DAB1: variants seen among roughly 807,000 people sequenced by gnomAD.
The protein encoded by DAB1 is disabled homolog 1.
Under a neutral mutation model 64.6 loss-of-function variants are expected in DAB1, and 15 were observed. The observed-to-expected ratio is 0.23, with a 90% CI of 0.16 to 0.36. The LOEUF is 0.36. Ranked by LOEUF, DAB1 falls within the 10% of genes least tolerant of loss-of-function variation. The pLI, the probability that DAB1 is intolerant of heterozygous loss-of-function variation, is 1.00. For missense variants in DAB1, 596 were observed against 706.7 expected (o/e 0.84, Z 1.78); for synonymous variants, 235 against 251.9 (o/e 0.93, Z 0.64).
intron 6 of DAB1, among the ~76,000 whole-genome samples, chr1:57,791,039 T>A (rs1429690719): frequency 6.6e-6 from 1 of 152,230 alleles, no homozygotes; most frequent in East Asian, 1.9e-4. Context: ...TCATTTGCAC[T>A]TGCCCACATT....
At chr1:57,431,285 G>T (rs1685506399) in intron 7 of DAB1, among the ~76,000 whole-genome samples, 1 of 151,618 alleles carries the variant, frequency 6.6e-6, no homozygotes, top group African/African-American at 2.4e-5. Context: ...GCCACAATCA[G>T]AATTTTGAAA....
rs7530332 is a variant in DAB1 at position 57,805,666 on chromosome 1, A to G, written n.551+78333T>C. On this transcript the variant is annotated intron_variant and non_coding_transcript_variant, in intron 6 of 20. Coordinates refer to the DAB1 transcript ENST00000485760. ...GACTTGCACATCTAGGTGTCCTGACATCACCATTTGGATATCCAATAGGCA... is the reference window on the plus strand; with the variant it reads ...GACTTGCACATCTAGGTGTCCTGACGTCACCATTTGGATATCCAATAGGCA... Among the ~76,000 whole-genome samples the G allele has an allele frequency of 9.3e-3, 1,417 of 152,268 alleles. 23 individuals are homozygous for G. The highest frequency in any genetic ancestry group is 0.033 in the African/African-American group (1,365 of 41,554).
At chr1:58,202,897 T>C (rs1658076536) in intron 4 of DAB1, among the ~76,000 whole-genome samples, 1 of 152,180 alleles carries the variant, frequency 6.6e-6, no homozygotes, top group Non-Finnish European at 1.5e-5. Flanking sequence ...CCATTTTCAT[T>C]TACAATCACT....
intron 3 of DAB1, among the ~76,000 whole-genome samples, chr1:58,412,054 G>A (rs1218207409): frequency 6.6e-6 from 1 of 152,142 alleles, no homozygotes; most frequent in African/African-American, 2.4e-5. Flanking sequence ...TCTGACCATA[G>A]TAATGGGTTC....
At chr1:57,002,112 T>C (rs1227566478) in intron 14 of DAB1, among the ~76,000 whole-genome samples, 1 of 152,206 alleles carries the variant, frequency 6.6e-6, no homozygotes, top group Non-Finnish European at 1.5e-5. Context: ...TTCTGACATA[T>C]TAATATCTTT....
chr1:58,281,570 G>GT lies in DAB1; in HGVS notation n.309+61781dup, dbSNP rs558086664. Among the ~76,000 whole-genome samples, 210 of 150,516 alleles carry GT rather than the reference G, an allele frequency of 1.4e-3. 1 individual carries two copies. The highest frequency in any genetic ancestry group is 2.6e-3 in the Non-Finnish European group (178 of 67,496). On this transcript the variant is annotated intron_variant and non_coding_transcript_variant, in intron 4 of 20. Transcript: ENST00000485760. ...CCACTCTACCTCCTGCAGCAAGAGT[G>GT]TTTTTTTTTCTATAGTGCAGATGTT...
At chr1:58,274,960 G>A (rs2762912) in intron 4 of DAB1, among the ~76,000 whole-genome samples, 1 of 150,034 alleles carries the variant, frequency 6.7e-6, no homozygotes, top group African/African-American at 2.5e-5. Flanking sequence ...AGAAATCACC[G>A]GTCTTCTGCA....
intron 4 of DAB1, among the ~76,000 whole-genome samples, chr1:58,225,806 G>C (rs199802238): frequency 3.8e-5 from 4 of 104,964 alleles, no homozygotes; most frequent in African/African-American, 1.5e-4. Context: ...CACCGGGCCT[G>C]TTGTGGGGTG....
intron 2 of DAB1, among the ~76,000 whole-genome samples, chr1:57,226,283 T>A (rs1476595692): frequency 6.6e-6 from 1 of 152,198 alleles, no homozygotes; most frequent in Non-Finnish European, 1.5e-5. Flanking sequence ...TGGACAATTA[T>A]GCTTGGGCGT....
chr1:57,448,024 C>T (rs180853383), intron 7 of DAB1, among the ~76,000 whole-genome samples: 91 of 152,200 alleles, frequency 6.0e-4, no homozygotes, highest in Admixed American at 9.8e-4. Flanking sequence ...TCCTATAACC[C>T]GTCCCTAAAA....
chr1:58,002,359 T>A (rs1375006109), intron 5 of DAB1, among the ~76,000 whole-genome samples: 1 of 152,212 alleles, frequency 6.6e-6, no homozygotes, highest in Non-Finnish European at 1.5e-5. Flanking sequence ...AGTGAGTATT[T>A]AGCATATTTT....
intron 6 of DAB1, among the ~76,000 whole-genome samples, chr1:57,796,539 G>GATAATAATAATA (rs112123311): frequency 0.013 from 1,947 of 146,786 alleles, 48 homozygotes; most frequent in African/African-American, 0.049. Flanking sequence ...TAATAACAAT[G>GATAATAATAATA]ATAATAATAA....
chr1:58,097,631 T>C (rs1651065712), intron 5 of DAB1, among the ~76,000 whole-genome samples: 1 of 151,698 alleles, frequency 6.6e-6, no homozygotes, highest in African/African-American at 2.4e-5. Flanking sequence ...AAAAAGATAA[T>C]GAGACCTTAA....
intron 5 of DAB1, among the ~76,000 whole-genome samples, chr1:57,917,077 C>G (rs561710038): frequency 2.2e-4 from 34 of 152,202 alleles, no homozygotes; most frequent in Non-Finnish European, 4.4e-4. Flanking sequence ...TCTCCTGCCT[C>G]CTAGTTGTAC....
chr1:57,722,779 A>G (rs570639239), intron 6 of DAB1, among the ~76,000 whole-genome samples: 3 of 152,372 alleles, frequency 2.0e-5, no homozygotes, highest in Admixed American at 6.5e-5. Flanking sequence ...TGGGCCTGCC[A>G]GGTGGCACTG....
chr1:57,424,285 C>T (rs2101101201), upstream of DAB1, among the ~76,000 whole-genome samples: 1 of 151,562 alleles, frequency 6.6e-6, no homozygotes, highest in East Asian at 2.0e-4. Flanking sequence ...AGCCGGAGCG[C>T]GCTCCGAGAG....
intron 6 of DAB1, among the ~76,000 whole-genome samples, chr1:57,753,404 AAAAC>A (rs1477169694): frequency 2.6e-5 from 4 of 152,184 alleles, no homozygotes; most frequent in Non-Finnish European, 5.9e-5. Flanking sequence ...AATGTATAGA[AAAAC>A]AAGTGCATGG....
At chr1:57,431,475 C>A (rs1248081793) in intron 7 of DAB1, among the ~76,000 whole-genome samples, 6 of 152,176 alleles carry the variant, frequency 3.9e-5, no homozygotes, top group Non-Finnish European at 1.5e-5. Context: ...AAAAATATTT[C>A]TATGCAGCTT....
chr1:58,182,906 G>A (rs918589732), intron 4 of DAB1, among the ~76,000 whole-genome samples: 1 of 151,834 alleles, frequency 6.6e-6, no homozygotes, highest in Non-Finnish European at 1.5e-5. Flanking sequence ...TGATATTTTA[G>A]ATAACATATT....
Sources: allele counts gnomAD v4.1 joint callset (sites outside exome capture counted in the v4.1 genomes callset), GRCh38; gene constraint gnomAD v4.1.1; transcripts MANE v1.5; gene names NCBI Gene and HGNC (gene_info 2026-07-23, HGNC 2026-07-21).